CPED1: variants seen among roughly 807,000 people sequenced by gnomAD.
CPED1 encodes the protein cadherin-like and PC-esterase domain-containing protein 1.
In CPED1, 114 loss-of-function variants were observed where a neutral mutation model predicts 128.2. The ratio of observed to expected loss-of-function variants is 0.89; its 90% confidence interval spans 0.76 to 1.04. The LOEUF is 1.04. Among genes scored for constraint, CPED1 ranks in the 50% least tolerant of loss-of-function variants. The pLI, the probability that CPED1 is intolerant of heterozygous loss-of-function variation, is 0.00. For missense variants in CPED1, 1,211 were observed against 1,207.1 expected, an observed-to-expected ratio of 1.00 and a Z score of -0.05; for synonymous variants, 462 against 426.7, an observed-to-expected ratio of 1.08 and a Z score of -1.02.
At chr7:121,286,097 C>T (rs932353103) in intron 22 of CPED1, among the ~76,000 whole-genome samples, 1 of 152,182 alleles carries the variant, frequency 6.6e-6, no homozygotes, top group Non-Finnish European at 1.5e-5. Context: ...TCTTTCTTCA[C>T]ATGGTGGCAG....
At chr7:121,212,187 A>G (rs1319809422) in intron 16 of CPED1, among the ~76,000 whole-genome samples, 1 of 152,026 alleles carries the variant, frequency 6.6e-6, no homozygotes, top group Non-Finnish European at 1.5e-5. Context: ...TGTAACTGAT[A>G]CCATATGCTT....
intron 11 of CPED1, among the ~76,000 whole-genome samples, chr7:121,128,761 T>C (rs1236062580): frequency 6.6e-6 from 1 of 152,074 alleles, no homozygotes; most frequent in African/African-American, 2.4e-5. Context: ...AAGGGGAAAA[T>C]GCCAACATTT....
intron 18 of CPED1, among the ~76,000 whole-genome samples, chr7:121,265,270 T>C (rs79199805): frequency 0.06 from 9,079 of 152,108 alleles, 378 homozygotes; most frequent in Non-Finnish European, 0.075. Context: ...TTAAAGTACG[T>C]GGGTTTGAAT....
intron 5 of CPED1, among the ~76,000 whole-genome samples, chr7:121,075,998 C>T (rs1438810151): frequency 6.6e-6 from 1 of 152,080 alleles, no homozygotes; most frequent in Admixed American, 6.6e-5. Context: ...TGTTTGTCTC[C>T]CCCACAAGGA....
intron 2 of CPED1, among the ~76,000 whole-genome samples, chr7:121,000,961 T>C (rs1791839401): frequency 6.6e-6 from 1 of 152,070 alleles, no homozygotes; most frequent in Admixed American, 6.5e-5. Flanking sequence ...TTGGCCAGAG[T>C]CAATGTTCAA....
chr7:121,074,231 A>G (rs1794063128), intron 5 of CPED1, among the ~76,000 whole-genome samples: 1 of 152,132 alleles, frequency 6.6e-6, no homozygotes, highest in Admixed American at 6.6e-5. Flanking sequence ...GAACTTTAAA[A>G]GCAGTCTCTT....
At chr7:121,007,986 C>CTTTCTTTA (rs1207685984) in intron 2 of CPED1, among the ~76,000 whole-genome samples, 1 of 142,632 alleles carries the variant, frequency 7.0e-6, no homozygotes, top group African/African-American at 2.6e-5. Context: ...TCTTTTCTTT[C>CTTTCTTTA]TTTCTTTCTT....
At chr7:121,221,155 G>A (rs1029401075) in intron 16 of CPED1, among the ~76,000 whole-genome samples, 17 of 151,912 alleles carry the variant, frequency 1.1e-4, no homozygotes, top group African/African-American at 4.1e-4. Flanking sequence ...GATGTTCCCT[G>A]CCCTGTGTCC....
chr7:121,107,422 G>A (rs1298093780), intron 7 of CPED1, among the ~76,000 whole-genome samples: 2 of 152,188 alleles, frequency 1.3e-5, no homozygotes, highest in South Asian at 2.1e-4. Context: ...TAAAAGAAGA[G>A]AGTTTGCTTA....
chr7:121,199,080 G>A (rs953924067), intron 16 of CPED1, among the ~76,000 whole-genome samples: 7 of 152,128 alleles, frequency 4.6e-5, no homozygotes, highest in African/African-American at 1.7e-4. Flanking sequence ...CGTAATGATT[G>A]CTTTGAAATA....
At chr7:121,064,489 A>G (rs1419431702) in intron 5 of CPED1, among the ~76,000 whole-genome samples, 176 bp downstream of exon 5, 1 of 152,162 alleles carries the variant, frequency 6.6e-6, no homozygotes, top group Non-Finnish European at 1.5e-5. Context: ...AAAGTGAGGA[A>G]TAACAACCGT....
intron 7 of CPED1, among the ~76,000 whole-genome samples, chr7:121,101,688 T>C (rs1209793729): frequency 6.6e-6 from 1 of 152,122 alleles, no homozygotes; most frequent in African/African-American, 2.4e-5. Context: ...CAGCATCTGC[T>C]TGGCTTCTGG....
At chr7:121,098,968 T>C (rs1190228289) in intron 6 of CPED1, among the ~76,000 whole-genome samples, 1 of 151,048 alleles carries the variant, frequency 6.6e-6, no homozygotes. Flanking sequence ...TTTGTTTCAT[T>C]ACAAAATATT....
intron 3 of CPED1, among the ~76,000 whole-genome samples, chr7:121,045,361 G>T (rs1046292072): frequency 2.0e-5 from 3 of 152,170 alleles, no homozygotes; most frequent in Non-Finnish European, 4.4e-5. Flanking sequence ...TGGATTCCTT[G>T]TTTGGCAGAC....
At chr7:121,119,684 A>T (rs1795340622) in intron 7 of CPED1, among the ~76,000 whole-genome samples, 1 of 151,816 alleles carries the variant, frequency 6.6e-6, no homozygotes, top group Non-Finnish European at 1.5e-5. Flanking sequence ...TTGTAGTCAT[A>T]TACATGTAAC....
rs576867451 is a variant in CPED1 at position 121,103,159 on chromosome 7, A to G, written c.918+3065A>G. On this transcript the variant is annotated intron_variant, in intron 7 of 22. Transcript: ENST00000310396. ...TTTAGATTTTCATGCTTCATTCACT[A>G]TCTCCTTTCTTATTCATATTTTTGT... is the stretch of plus-strand genomic sequence containing the variant. Among the ~76,000 whole-genome samples, 7 of 152,200 alleles carry G rather than the reference A, an allele frequency of 4.6e-5. No individual in the cohort carries two copies. In the South Asian group the frequency reaches 1.5e-3, roughly 32 times the overall value.
In CPED1 at chr7:121,125,954, G is replaced by A. The variant is rs1475218725; in HGVS notation, c.1134+62G>A. On this transcript the variant is annotated intron_variant, in intron 9 of 22. Coordinates refer to ENST00000310396, the MANE Select transcript of CPED1 (RefSeq NM_024913.5). ...TGTGGTGAGAGATCAGTGTGTGTGT[G>A]TTGTTGTTGTTGTTTTCATTCATAG... The A allele has an allele frequency of 7.2e-6, 8 of 1,113,744 alleles. No homozygotes were observed. The African/African-American group carries it at 7.7e-5, about 11-fold the overall frequency. 69.0% of individuals were successfully genotyped at this position (1,113,744 alleles called of 1,614,324 possible). A position where few individuals can be genotyped will look rare whatever the true frequency, so the allele number is the denominator to read the frequency against.
intron 16 of CPED1, among the ~76,000 whole-genome samples, chr7:121,175,579 T>C (rs1563055026): frequency 6.6e-6 from 1 of 152,104 alleles, no homozygotes; most frequent in Non-Finnish European, 1.5e-5. Flanking sequence ...TCCAGAATCT[T>C]ATACTCAAAG....
intron 16 of CPED1, among the ~76,000 whole-genome samples, chr7:121,216,606 T>C (rs1371000980): frequency 6.6e-6 from 1 of 151,940 alleles, no homozygotes. Flanking sequence ...TATAGAACTC[T>C]ATATAGAACC....
Sources: allele counts gnomAD v4.1 joint callset (sites outside exome capture counted in the v4.1 genomes callset), GRCh38; gene constraint gnomAD v4.1.1; transcripts MANE v1.5; gene names NCBI Gene and HGNC (gene_info 2026-07-23, HGNC 2026-07-21).